The following MLKL variants were observed in gnomAD, a reference collection of about 807,000 sequenced individuals.
The protein encoded by MLKL is mixed lineage kinase domain like pseudokinase, also known as mixed lineage kinase domain-like protein.
A neutral mutation model predicts 56.5 loss-of-function variants in MLKL; 55 were observed. That is an observed-to-expected ratio of 0.97 (90% CI 0.78 to 1.22). The LOEUF is 1.22. MLKL is among the 50% of genes most tolerant of loss of function. The pLI is 0.00. For synonymous variants in MLKL, 251 were observed against 208.3 expected (o/e 1.20, Z -1.76); for missense variants, 694 against 573.9 (o/e 1.21, Z -2.14).
intron 7 of MLKL, chr16:74,676,625 G>C (rs951763499): frequency 3.8e-5 from 11 of 291,488 alleles, no homozygotes; most frequent in Non-Finnish European, 5.6e-5. Flanking sequence ...AGTAGAAACA[G>C]TGTTTTGGGA....
intron 3 of MLKL, 107 bp from the exon 4 acceptor site, chr16:74,691,570 A>G (rs1230064325): frequency 1.3e-5 from 16 of 1,256,152 alleles, no homozygotes; most frequent in Non-Finnish European, 1.5e-5. Context: ...GCTCTACTAC[A>G]TGAACCAGAG....
At position 74,682,696 on chromosome 16, in the gene MLKL, C is replaced by T; in HGVS notation, c.911G>A (p.Gly304Asp). 1 of 1,614,120 alleles carries T rather than the reference C, an allele frequency of 6.2e-7. No homozygotes were observed. Among genetic ancestry groups the T allele is most frequent in the Non-Finnish European group, 8.5e-7 (1 of 1,180,026 alleles). Residue 304 changes from glycine to aspartate, a missense_variant, in exon 6 of 11, where the codon GGC (glycine) becomes GAC (aspartate). Gly to Asp is a moderately conservative substitution (Grantham distance 94). Coordinates refer to ENST00000308807, the MANE Select transcript of MLKL (RefSeq NM_152649.4). ...LLDREKDLTL[G>D]KRMVLVLGAA... ...CCCCAGGACTAGGACCATGCGCTTG[C>T]CAAGTGTGAGGTCTTTTTCCCTATC... is the stretch of plus-strand genomic sequence containing the variant.
At chr16:74,691,016 G>C (rs189317884) in intron 4 of MLKL, among the ~76,000 whole-genome samples, 2 of 151,238 alleles carry the variant, frequency 1.3e-5, no homozygotes, top group East Asian at 1.9e-4. Flanking sequence ...CTGTGGAGGG[G>C]ATGAGCAACT....
chr16:74,696,503 G>A (rs1461347732), intron 1 of MLKL, among the ~76,000 whole-genome samples: 2 of 151,370 alleles, frequency 1.3e-5, no homozygotes, highest in African/African-American at 2.4e-5. Context: ...TAAGAAAAAT[G>A]CAGCTGGGCG....
At chr16:74,693,046 T>C (rs1960769659) in intron 2 of MLKL, among the ~76,000 whole-genome samples, 1 of 152,200 alleles carries the variant, frequency 6.6e-6, no homozygotes, top group Non-Finnish European at 1.5e-5. Context: ...AGATAACTCA[T>C]GCATAGTTGG....
chr16:74,684,362 C>T (rs187275124), intron 5 of MLKL, among the ~76,000 whole-genome samples: 6 of 138,776 alleles, frequency 4.3e-5, no homozygotes, highest in East Asian at 4.5e-4. Flanking sequence ...CTAGGCAAGA[C>T]GGCAGCAAAA....
intron 2 of MLKL, among the ~76,000 whole-genome samples, chr16:74,694,493 C>T (rs1413152814): frequency 6.6e-6 from 1 of 151,970 alleles, no homozygotes; most frequent in Non-Finnish European, 1.5e-5. Flanking sequence ...GCAGCCTCGA[C>T]CTCCTAGGTG....
chr16:74,692,705 G>A (rs1313465635), intron 2 of MLKL, among the ~76,000 whole-genome samples: 1 of 152,262 alleles, frequency 6.6e-6, no homozygotes, highest in Non-Finnish European at 1.5e-5. Context: ...CAACCTGGCT[G>A]CTTTGGAAGT....
intron 5 of MLKL, among the ~76,000 whole-genome samples, chr16:74,685,060 C>T (rs1358162672): frequency 6.6e-6 from 1 of 152,068 alleles, no homozygotes; most frequent in Non-Finnish European, 1.5e-5. Flanking sequence ...GATGGGGTTT[C>T]ACCATGTTGG....
intron 1 of MLKL, among the ~76,000 whole-genome samples, chr16:74,696,990 TA>T (rs1218293491): frequency 6.8e-6 from 1 of 146,804 alleles, no homozygotes; most frequent in African/African-American, 2.5e-5. Context: ...ATTACATATA[TA>T]GTAATACATA....
At chr16:74,683,333 C>G (rs547522728) in intron 5 of MLKL, among the ~76,000 whole-genome samples, 1 of 148,726 alleles carries the variant, frequency 6.7e-6, no homozygotes, top group African/African-American at 2.5e-5. Flanking sequence ...TGGTGACTCA[C>G]GCCTGTAATC....
chr16:74,687,058 C>G (rs189507270), intron 4 of MLKL, among the ~76,000 whole-genome samples: 24 of 152,260 alleles, frequency 1.6e-4, no homozygotes, highest in Admixed American at 3.3e-4. Flanking sequence ...TCACTGCAAC[C>G]TCTGCCTCCT....
intron 2 of MLKL, among the ~76,000 whole-genome samples, chr16:74,693,907 T>G (rs952750780): frequency 7.9e-5 from 12 of 152,068 alleles, no homozygotes; most frequent in Non-Finnish European, 1.5e-4. Flanking sequence ...CTGGCCGAAA[T>G]GGTAAATTTT....
At chr16:74,699,789 AT>A (rs1961267587) in intron 1 of MLKL, among the ~76,000 whole-genome samples, 1 of 152,066 alleles carries the variant, frequency 6.6e-6, no homozygotes, top group Non-Finnish European at 1.5e-5. Context: ...TACAAAAAAA[AT>A]TTAATTGGGT....
chr16:74,678,300 T>C (rs1453688297), intron 7 of MLKL: 1 of 153,298 alleles, frequency 6.5e-6, no homozygotes, highest in African/African-American at 2.4e-5. Context: ...CCCCATTGTA[T>C]GTTGTAGGGA....
chr16:74,681,556 G>A (rs1959971226), intron 6 of MLKL, among the ~76,000 whole-genome samples: 1 of 151,338 alleles, frequency 6.6e-6, no homozygotes, highest in Admixed American at 6.6e-5. Flanking sequence ...CACTTTGGGA[G>A]GCCGAGACAG....
At position 74,695,611 on chromosome 16, in the gene MLKL, T is replaced by G. The variant is rs753123816; in HGVS notation, c.147A>C (p.Gly49=). Residue 49 remains glycine, a synonymous_variant, in exon 2 of 11, where the codon GGA becomes GGC. Transcript: ENST00000308807. ...IKPLEMLQDQ[G]KRSVPSEKLT... is the part of the protein sequence containing the mutation. The stretch of plus-strand genomic sequence containing the variant: ...ACTTCTCAGAGGGCACGCTCCTCTT[T>G]CCTTGGTCCTGGAGCATCTCCAGAG... 7 of 1,614,108 alleles carry G rather than the reference T, an allele frequency of 4.3e-6. No individual in the cohort carries two copies. The highest frequency in any genetic ancestry group is 5.9e-6 in the Non-Finnish European group (7 of 1,180,050).
chr16:74,692,129 G>T (rs1368651667), intron 3 of MLKL, among the ~76,000 whole-genome samples: 1 of 152,172 alleles, frequency 6.6e-6, no homozygotes, highest in Non-Finnish European at 1.5e-5. Context: ...GCTGCTAGAA[G>T]GTATCTTACT....
At chr16:74,687,732 A>G (rs757538170) in intron 4 of MLKL, among the ~76,000 whole-genome samples, 1 of 151,858 alleles carries the variant, frequency 6.6e-6, no homozygotes, top group African/African-American at 2.4e-5. Flanking sequence ...GCAGCGATGC[A>G]ATTTCTGCTC....
Sources: gnomAD v4.1 joint callset for allele counts (sites outside exome capture counted in the v4.1 genomes callset) on GRCh38, gnomAD v4.1.1 for gene constraint, MANE v1.5 for transcripts, NCBI Gene and HGNC (gene_info 2026-07-23, HGNC 2026-07-21) for gene names.